The following RIC1 variants were observed in gnomAD, a reference collection of about 807,000 sequenced individuals.
The protein encoded by RIC1 is guanine nucleotide exchange factor subunit RIC1.
A neutral mutation model predicts 169.0 loss-of-function variants in RIC1; 88 were observed. The ratio of observed to expected loss-of-function variants is 0.52; its 90% CI spans 0.44 to 0.62. The LOEUF is 0.62. RIC1 is among the 20% of genes least tolerant of loss of function. The pLI is 0.00. For synonymous variants in RIC1, 790 were observed against 601.5 expected, an observed-to-expected ratio of 1.31 and a Z score of -4.59; for missense variants, 1,877 against 1,725.5, an observed-to-expected ratio of 1.09 and a Z score of -1.56.
chr9:5,767,829 C>T (rs1000970438), intron 21 of RIC1, among the ~76,000 whole-genome samples: 2 of 152,258 alleles, frequency 1.3e-5, no homozygotes, highest in African/African-American at 2.4e-5. Context: ...TCAGGTGATC[C>T]GCCTGCCTCT....
chr9:5,695,876 T>C lies in RIC1; in HGVS notation c.332+5838T>C, dbSNP rs774688364. 7.7e-4 allele frequency among the ~76,000 whole-genome samples: 117 copies of C among 152,102 alleles called. 3 individuals are homozygous for C. Among genetic ancestry groups the C allele is most frequent in the Non-Finnish European group, 3.4e-4 (23 of 68,000 alleles). ...GTGAGCCACTGCACCCGGCCTATTA[T>C]GTCTTCTTAATGTCAGATTCATGTC... On this transcript the variant is annotated intron_variant, in intron 3 of 25. Coordinates refer to ENST00000414202, the MANE Select transcript of RIC1 (RefSeq NM_020829.4).
Position 5,642,390 on chromosome 9 carries a change from A to G in RIC1, c.144+12937A>G, listed in dbSNP as rs1397608918. On this transcript the variant is annotated intron_variant, in intron 1 of 25. Transcript: ENST00000414202. ...TCATCCAAGGCCTGCTGTCACCACCACCTGGCTACCACCTATGTTCACTCA... is the reference window on the plus strand; with the variant it reads ...TCATCCAAGGCCTGCTGTCACCACCGCCTGGCTACCACCTATGTTCACTCA... Among the ~76,000 whole-genome samples the G allele has an allele frequency of 1.4e-5, 2 of 143,602 alleles. 1 individual carries two copies. Among genetic ancestry groups the G allele is most frequent in the African/African-American group, 5.7e-5 (2 of 34,816 alleles). 94.2% of individuals were successfully genotyped at this position (143,602 alleles called of 152,430 possible).
chr9:5,772,000 C>A (rs2131150740), intron 23 of RIC1, among the ~76,000 whole-genome samples: 1 of 152,162 alleles, frequency 6.6e-6, no homozygotes, highest in South Asian at 2.1e-4. Context: ...TTGATAATTC[C>A]TTGGTACCAT....
At chr9:5,687,527 T>A (rs1011708755) in intron 2 of RIC1, among the ~76,000 whole-genome samples, 2 of 152,166 alleles carry the variant, frequency 1.3e-5, no homozygotes, top group Admixed American at 6.5e-5. Context: ...ATCCCACAAA[T>A]TTTGGGATGA....
At chr9:5,661,497 T>G (rs921580237) in intron 2 of RIC1, among the ~76,000 whole-genome samples, 1 of 152,222 alleles carries the variant, frequency 6.6e-6, no homozygotes, top group Non-Finnish European at 1.5e-5. Context: ...GTTCGTGTCA[T>G]CTGTCATTTG....
chr9:5,643,693 G>T (rs1408947896), intron 1 of RIC1, among the ~76,000 whole-genome samples: 1 of 152,080 alleles, frequency 6.6e-6, no homozygotes, highest in Non-Finnish European at 1.5e-5. Context: ...CTATGTGATT[G>T]TTTACTTCAG....
intron 1 of RIC1, among the ~76,000 whole-genome samples, chr9:5,641,627 T>C (rs992053129): frequency 6.2e-5 from 9 of 145,456 alleles, no homozygotes; most frequent in Admixed American, 2.0e-4. Context: ...TTTTGTGGTC[T>C]CCTCTGACTA....
chr9:5,685,434 A>C (rs1821158462), intron 2 of RIC1, among the ~76,000 whole-genome samples: 1 of 150,550 alleles, frequency 6.6e-6, no homozygotes, highest in African/African-American at 2.4e-5. Context: ...AGAGATATAG[A>C]TCAATGGAAC....
At chr9:5,697,540 C>T (rs1821974752) in intron 3 of RIC1, among the ~76,000 whole-genome samples, 1 of 152,080 alleles carries the variant, frequency 6.6e-6, no homozygotes, top group South Asian at 2.1e-4. Flanking sequence ...TATTTAAGCA[C>T]ATCCAAGATA....
intron 2 of RIC1, among the ~76,000 whole-genome samples, chr9:5,659,574 A>G (rs189385245): frequency 6.6e-6 from 1 of 152,240 alleles, no homozygotes; most frequent in Non-Finnish European, 1.5e-5. Flanking sequence ...ACCATTGGGA[A>G]TTTGGTAGAG....
chr9:5,725,913 G>T (rs1169508861), intron 6 of RIC1, among the ~76,000 whole-genome samples: 1 of 152,156 alleles, frequency 6.6e-6, no homozygotes, highest in African/African-American at 2.4e-5. Context: ...TTGCACTGTG[G>T]TCTGAGAGAC....
intron 7 of RIC1, among the ~76,000 whole-genome samples, chr9:5,733,064 C>T (rs972395561): frequency 3.3e-5 from 5 of 151,894 alleles, no homozygotes; most frequent in African/African-American, 9.7e-5. Context: ...AATTTTAGCT[C>T]ATAAATTTTA....
At chr9:5,742,837 T>A in intron 8 of RIC1, 32 bp from the exon 9 acceptor site, 1 of 1,562,290 alleles carries the variant, frequency 6.4e-7, no homozygotes, top group African/African-American at 1.4e-5. Context: ...AGCAACTATT[T>A]ATTTTTAACT....
chr9:5,701,665 C>T (rs185367938), intron 3 of RIC1, among the ~76,000 whole-genome samples: 1 of 151,468 alleles, frequency 6.6e-6, no homozygotes, highest in Non-Finnish European at 1.5e-5. Flanking sequence ...TATCCATCTT[C>T]CTTACCTTGT....
intron 3 of RIC1, among the ~76,000 whole-genome samples, chr9:5,697,401 A>G (rs1420672257): frequency 6.6e-6 from 1 of 152,006 alleles, no homozygotes; most frequent in Non-Finnish European, 1.5e-5. Flanking sequence ...TGGTTGATCT[A>G]TTTTGTCCAG....
chr9:5,775,557 G>T lies in RIC1; in HGVS notation c.*1311G>T, dbSNP rs539965333. 3 of 151,970 alleles carry T rather than the reference G, an allele frequency of 2.0e-5. No individual in the cohort carries two copies. Among genetic ancestry groups the T allele is most frequent in the African/African-American group, 4.8e-5 (2 of 41,382 alleles). The allele number at this position is 151,970 out of a possible 1,614,324, so 9.4% of individuals were successfully genotyped here. A position where few individuals can be genotyped will look rare whatever the true frequency, so the allele number is the denominator to read the frequency against. On this transcript the variant is annotated 3_prime_UTR_variant, in exon 26 of 26. Transcript: ENST00000414202. The stretch of plus-strand genomic sequence containing the variant: ...GATGTATTTGATGTGGACCAAATTC[G>T]TACCACTATCTAAAATAGCCTCTTT...
chr9:5,651,115 G>A (rs932892635), intron 1 of RIC1, among the ~76,000 whole-genome samples: 5 of 152,164 alleles, frequency 3.3e-5, no homozygotes, highest in Non-Finnish European at 7.3e-5. Context: ...GCTAGTCTCT[G>A]GACCCCCTCT....
chr9:5,664,507 G>T (rs759828197), intron 2 of RIC1, among the ~76,000 whole-genome samples: 15 of 151,886 alleles, frequency 9.9e-5, no homozygotes, highest in Non-Finnish European at 1.5e-4. Context: ...CCTCCCCTTC[G>T]TAGGTGACCT....
In RIC1 at chr9:5,663,948, T is replaced by A. The variant is rs534086700; in HGVS notation, c.252+7258T>A. On this transcript the variant is annotated intron_variant, in intron 2 of 25. Transcript: ENST00000414202. ...TTTTTGTAGTGGCTGGTAATGGTTTTTCCTTTCCATATTTAGTGCTTCCTT... is the reference window on the plus strand; with the variant it reads ...TTTTTGTAGTGGCTGGTAATGGTTTATCCTTTCCATATTTAGTGCTTCCTT... 2.0e-5 allele frequency among the ~76,000 whole-genome samples: 3 copies of A among 152,346 alleles called. No homozygotes were observed. The East Asian group carries it at 5.8e-4, about 29-fold the overall frequency.
Sources: gnomAD v4.1 joint callset for allele counts (sites outside exome capture counted in the v4.1 genomes callset) on GRCh38, gnomAD v4.1.1 for gene constraint, MANE v1.5 for transcripts, NCBI Gene and HGNC (gene_info 2026-07-23, HGNC 2026-07-21) for gene names.